The following CRADD variants were observed in gnomAD, a reference collection of about 807,000 sequenced individuals.
CRADD encodes CARD and death domain containing adaptor protein.
Under a neutral mutation model 15.5 loss-of-function variants are expected in CRADD, and 9 were observed. The observed-to-expected ratio is 0.58, with a 90% confidence interval of 0.35 to 1.01. The LOEUF is 1.01. Among genes scored for constraint, CRADD ranks in the 50% least tolerant of loss-of-function variants. The probability of loss-of-function intolerance (pLI) is 0.02; values close to 1 mark genes in which losing one functional copy is unlikely to be tolerated. For synonymous variants in CRADD, 118 were observed against 107.6 expected (o/e 1.10, Z -0.60); for missense variants, 227 against 250.3 (o/e 0.91, Z 0.63).
In CRADD at chr12:93,879,754, C is replaced by T. The variant is rs533805893; in HGVS notation, c.299-14296C>T. Among the ~76,000 whole-genome samples, 9 of 152,254 alleles carry T rather than the reference C, an allele frequency of 5.9e-5. 1 individual carries two copies. In the South Asian group the frequency reaches 1.0e-3, roughly 18 times the overall value. On this transcript the variant is annotated intron_variant, in intron 2 of 2. Coordinates refer to the CRADD transcript ENST00000548483. ...CCTAGTTCTTATTCTAAGGGTCTCC[C>T]GCGACTGATCCTTTACTCAGAGAGC...
At chr12:93,794,788 G>C (rs1957394651) in intron 2 of CRADD, among the ~76,000 whole-genome samples, 1 of 152,184 alleles carries the variant, frequency 6.6e-6, no homozygotes, top group African/African-American at 2.4e-5. Context: ...TGATGTACCT[G>C]CTGCCTATGT....
chr12:93,695,532 A>G (rs1313807200), intron 2 of CRADD, among the ~76,000 whole-genome samples: 1 of 152,222 alleles, frequency 6.6e-6, no homozygotes, highest in African/African-American at 2.4e-5. Context: ...TTATTTGCAA[A>G]CCATATATAT....
chr12:93,839,305 G>T (rs1958020714), intron 2 of CRADD, among the ~76,000 whole-genome samples: 2 of 152,174 alleles, frequency 1.3e-5, no homozygotes, highest in South Asian at 2.1e-4. Context: ...ATGGATCTGT[G>T]TAGGAATTTT....
intron 2 of CRADD, among the ~76,000 whole-genome samples, chr12:93,864,604 G>A (rs1958348004): frequency 6.6e-6 from 1 of 152,198 alleles, no homozygotes; most frequent in South Asian, 2.1e-4. Context: ...AGGGTCACTT[G>A]GCATTTGCCT....
chr12:93,696,124 T>C (rs948541105), intron 2 of CRADD, among the ~76,000 whole-genome samples: 39 of 152,290 alleles, frequency 2.6e-4, no homozygotes, highest in African/African-American at 9.4e-4. Flanking sequence ...AAGTGGAACC[T>C]TTGCATACTT....
intron 2 of CRADD, among the ~76,000 whole-genome samples, chr12:93,688,017 G>A (rs1955478571): frequency 6.6e-6 from 1 of 152,182 alleles, no homozygotes; most frequent in South Asian, 2.1e-4. Flanking sequence ...TGTAGATCAG[G>A]TTATGTCCAA....
At chr12:93,713,415 T>C (rs1956108573) in intron 2 of CRADD, among the ~76,000 whole-genome samples, 1 of 152,116 alleles carries the variant, frequency 6.6e-6, no homozygotes, top group Non-Finnish European at 1.5e-5. Flanking sequence ...CACCCCTCAG[T>C]GTCCGAGGGG....
intron 2 of CRADD, among the ~76,000 whole-genome samples, chr12:93,799,859 T>C (rs1957458391): frequency 6.6e-6 from 1 of 152,184 alleles, no homozygotes; most frequent in Non-Finnish European, 1.5e-5. Flanking sequence ...AGCCGTGTTA[T>C]TTACTTTGTA....
chr12:93,752,722 A>G (rs554020837), intron 2 of CRADD, among the ~76,000 whole-genome samples: 24 of 152,358 alleles, frequency 1.6e-4, no homozygotes, highest in African/African-American at 5.5e-4. Flanking sequence ...ACAGTTCCAC[A>G]TGGCAGGGGG....
chr12:93,824,162 C>G lies in CRADD; in HGVS notation c.299-25808C>G, dbSNP rs1957799254. Among the ~76,000 whole-genome samples, 1 of 152,056 alleles carries G rather than the reference C, an allele frequency of 6.6e-6. No homozygotes were observed. Among genetic ancestry groups the G allele is most frequent in the African/African-American group, 2.4e-5 (1 of 41,388 alleles). Reference sequence around the variant, plus strand: ...TTGAGTCTGTGAGTTTTGGTGTAAGCTCAGTGGCAATGTTACCCTCACCTC... The same window carrying G: ...TTGAGTCTGTGAGTTTTGGTGTAAGGTCAGTGGCAATGTTACCCTCACCTC... On this transcript the variant is annotated intron_variant, in intron 2 of 2. Coordinates refer to ENST00000332896, the MANE Select transcript of CRADD (RefSeq NM_003805.5). The surrounding 1 kb of genome is among the most constrained non-coding windows in gnomAD (Gnocchi z 4.3).
intron 2 of CRADD, among the ~76,000 whole-genome samples, chr12:93,809,118 T>A (rs1292514122): frequency 6.6e-6 from 1 of 152,142 alleles, no homozygotes; most frequent in Non-Finnish European, 1.5e-5. Flanking sequence ...TTCACCTTGT[T>A]GACCAGGCTG....
chr12:93,776,162 T>C (rs1957138446), intron 2 of CRADD, among the ~76,000 whole-genome samples: 1 of 152,220 alleles, frequency 6.6e-6, no homozygotes, highest in South Asian at 2.1e-4. Flanking sequence ...CATACAATTA[T>C]ATAGTTCTAC....
chr12:93,680,937 T>C (rs887554640), intron 2 of CRADD, among the ~76,000 whole-genome samples: 1 of 151,766 alleles, frequency 6.6e-6, no homozygotes. Context: ...CAGGCTGGAG[T>C]GCAATGGCGC....
intron 2 of CRADD, among the ~76,000 whole-genome samples, chr12:93,741,234 T>C (rs1216529976): frequency 6.6e-6 from 1 of 152,238 alleles, no homozygotes; most frequent in Admixed American, 6.5e-5. Context: ...ATGAGTTTTA[T>C]TGCTTTCATG....
At chr12:93,881,374 T>C (rs1199087159) in intron 2 of CRADD, among the ~76,000 whole-genome samples, 1 of 149,264 alleles carries the variant, frequency 6.7e-6, no homozygotes, top group Non-Finnish European at 1.5e-5. Context: ...GGCTAATAGA[T>C]ATGTCACAGC....
chr12:93,873,239 G>T (rs1187095887), intron 2 of CRADD, among the ~76,000 whole-genome samples: 4 of 151,764 alleles, frequency 2.6e-5, no homozygotes, highest in Non-Finnish European at 4.4e-5. Context: ...AAACACTACT[G>T]TTTTTGTATG....
chr12:93,819,205 A>G (rs1957742159), intron 2 of CRADD, among the ~76,000 whole-genome samples: 1 of 152,236 alleles, frequency 6.6e-6, no homozygotes. Context: ...AGGATTCAGA[A>G]GGAATAAACA....
intron 2 of CRADD, among the ~76,000 whole-genome samples, chr12:93,694,624 G>T (rs1228540525): frequency 1.3e-5 from 2 of 152,082 alleles, no homozygotes; most frequent in East Asian, 3.8e-4. Flanking sequence ...TAAAGTTGCA[G>T]TATACAAAAT....
At chr12:93,891,098 T>C (rs1318622077) in intron 2 of CRADD, among the ~76,000 whole-genome samples, 3 of 152,096 alleles carry the variant, frequency 2.0e-5, no homozygotes, top group Non-Finnish European at 4.4e-5. Flanking sequence ...CTCTGTAAAA[T>C]GTATAAAACC....
Sources: gnomAD v4.1 joint callset for allele counts (sites outside exome capture counted in the v4.1 genomes callset) on GRCh38, gnomAD v4.1.1 for gene constraint, Gnocchi (gnomAD v3.1) non-coding constraint, MANE v1.5 for transcripts, NCBI Gene and HGNC (gene_info 2026-07-23, HGNC 2026-07-21) for gene names.